Variants in ADIPOR2 observed in about 807,000 individuals in gnomAD.
ADIPOR2 encodes adiponectin receptor protein 2.
A neutral mutation model predicts 40.9 loss-of-function variants in ADIPOR2; 18 were observed. The ratio of observed to expected loss-of-function variants is 0.44; its 90% CI spans 0.30 to 0.65. ADIPOR2 has a LOEUF of 0.65. Ranked by LOEUF, ADIPOR2 falls within the 30% of genes least tolerant of loss-of-function variation. The probability of loss-of-function intolerance (pLI) is 0.09; values close to 1 mark genes in which losing one functional copy is unlikely to be tolerated. For synonymous variants in ADIPOR2, 165 were observed against 166.4 expected, an observed-to-expected ratio of 0.99 and a Z score of 0.06; for missense variants, 283 against 479.2, an observed-to-expected ratio of 0.59 and a Z score of 3.82.
At chr12:1,692,666 C>G (rs2094629536) in intron 1 of ADIPOR2, among the ~76,000 whole-genome samples, 1 of 151,096 alleles carries the variant, frequency 6.6e-6, no homozygotes, top group Non-Finnish European at 1.5e-5. Flanking sequence ...TATCCCTAGG[C>G]TCCTTGTATG....
chr12:1,720,207 G>A (rs561429778), intron 1 of ADIPOR2, among the ~76,000 whole-genome samples: 2 of 152,124 alleles, frequency 1.3e-5, no homozygotes, highest in Admixed American at 1.3e-4. Flanking sequence ...ACTTATTTTT[G>A]ATGTGTGAAT....
At chr12:1,727,959 T>C (rs148030893) in intron 1 of ADIPOR2, among the ~76,000 whole-genome samples, 4 of 152,256 alleles carry the variant, frequency 2.6e-5, no homozygotes, top group Non-Finnish European at 5.9e-5. Context: ...CATTGTCACT[T>C]CCCAGCTACC....
chr12:1,744,264 C>G (rs2094750051), intron 1 of ADIPOR2, among the ~76,000 whole-genome samples: 3 of 152,096 alleles, frequency 2.0e-5, no homozygotes, highest in Admixed American at 2.0e-4. Flanking sequence ...GCCACCACAC[C>G]TGGCTGATTT....
At chr12:1,738,713 G>T (rs371389724) in intron 1 of ADIPOR2, among the ~76,000 whole-genome samples, 3 of 152,234 alleles carry the variant, frequency 2.0e-5, no homozygotes. Context: ...TATCTTGTCA[G>T]CCTCACACAT....
At chr12:1,757,896 C>G (rs144643661) in intron 2 of ADIPOR2, 3 of 829,780 alleles carry the variant, frequency 3.6e-6, no homozygotes, top group Non-Finnish European at 6.4e-6. Context: ...GAGACACTCT[C>G]TCAACTTGTG....
chr12:1,714,015 T>C (rs1478030632), intron 1 of ADIPOR2, among the ~76,000 whole-genome samples: 2 of 152,106 alleles, frequency 1.3e-5, no homozygotes, highest in African/African-American at 4.8e-5. Context: ...CCCTCAGTCC[T>C]GTTGGATCAT....
Position 1,782,943 on chromosome 12 carries a change from TTTTTC to T in ADIPOR2, c.839-922_839-918del, listed in dbSNP as rs143023603. ...AGATTTAGATTAAATTTTTTCTTCT[TTTTTC>T]TTTTCTTTTCTTTTTCTTTCTTTCT... On this transcript the variant is annotated intron_variant, in intron 6 of 7. Coordinates refer to ENST00000357103, the MANE Select transcript of ADIPOR2 (RefSeq NM_024551.3). Among the ~76,000 whole-genome samples, 982 of 150,046 alleles carry T rather than the reference TTTTTC, an allele frequency of 6.5e-3. 13 individuals are homozygous for T. Among genetic ancestry groups the T allele is most frequent in the African/African-American group, 0.023 (930 of 39,756 alleles).
chr12:1,728,875 C>G (rs1304715232), intron 1 of ADIPOR2, among the ~76,000 whole-genome samples: 4 of 151,204 alleles, frequency 2.6e-5, no homozygotes, highest in Admixed American at 2.6e-4. Context: ...GTCTTTCCAT[C>G]TTCCATCTTG....
intron 1 of ADIPOR2, among the ~76,000 whole-genome samples, chr12:1,734,828 C>T (rs1427395320): frequency 1.3e-5 from 2 of 152,160 alleles, no homozygotes; most frequent in Admixed American, 6.5e-5. Flanking sequence ...TATGGCTAGC[C>T]AGTTTTCCCA....
At chr12:1,725,761 A>G (rs1414210667) in intron 1 of ADIPOR2, among the ~76,000 whole-genome samples, 1 of 152,246 alleles carries the variant, frequency 6.6e-6, no homozygotes, top group Non-Finnish European at 1.5e-5. Context: ...ACAAATACAC[A>G]AATTAATAAT....
intron 1 of ADIPOR2, among the ~76,000 whole-genome samples, chr12:1,728,359 C>G (rs767512338): frequency 6.6e-6 from 1 of 151,870 alleles, no homozygotes; most frequent in Non-Finnish European, 1.5e-5. Flanking sequence ...ATCCGCCCAC[C>G]TCAGCCTTTC....
At chr12:1,706,079 T>G (rs1280357959) in intron 1 of ADIPOR2, among the ~76,000 whole-genome samples, 1 of 152,200 alleles carries the variant, frequency 6.6e-6, no homozygotes, top group Non-Finnish European at 1.5e-5. Context: ...TACAGAGAGA[T>G]AACATCATGA....
At chr12:1,727,858 TAA>T (rs570513526) in intron 1 of ADIPOR2, among the ~76,000 whole-genome samples, 34 of 138,748 alleles carry the variant, frequency 2.5e-4, no homozygotes, top group Non-Finnish European at 3.0e-4. Context: ...GAACACTGTT[TAA>T]AAAAAAAAAA....
chr12:1,749,354 G>T (rs1317055330), intron 1 of ADIPOR2, among the ~76,000 whole-genome samples: 2 of 152,210 alleles, frequency 1.3e-5, no homozygotes, highest in African/African-American at 4.8e-5. Context: ...CAATCAAAAA[G>T]TCAGGGGAAC....
intron 1 of ADIPOR2, among the ~76,000 whole-genome samples, chr12:1,739,263 C>G (rs1053437650): frequency 6.6e-6 from 1 of 152,322 alleles, no homozygotes; most frequent in Non-Finnish European, 1.5e-5. Context: ...AAATAAGAAA[C>G]AATGGGTCAA....
At chr12:1,732,377 T>C (rs10848563) in intron 1 of ADIPOR2, among the ~76,000 whole-genome samples, 61,057 of 152,006 alleles carry the variant, frequency 0.4, 14,047 homozygotes, top group Non-Finnish European at 0.53. Flanking sequence ...TTTTGTCTTT[T>C]CCAAAATGTC....
At chr12:1,713,557 A>G (rs563599058) in intron 1 of ADIPOR2, among the ~76,000 whole-genome samples, 40 of 151,998 alleles carry the variant, frequency 2.6e-4, no homozygotes, top group African/African-American at 1.9e-4. Context: ...TGTCCTTCCA[A>G]TGCCCAGGCT....
intron 2 of ADIPOR2, among the ~76,000 whole-genome samples, chr12:1,763,301 A>G (rs1166578759): frequency 6.6e-6 from 1 of 152,234 alleles, no homozygotes; most frequent in Admixed American, 6.5e-5. Flanking sequence ...CATAATGCAT[A>G]TACGGAAGTT....
intron 1 of ADIPOR2, among the ~76,000 whole-genome samples, chr12:1,693,618 C>T (rs1565626977): frequency 6.6e-6 from 1 of 151,664 alleles, no homozygotes; most frequent in Admixed American, 6.6e-5. Flanking sequence ...ACTGCAACCT[C>T]TGCCTCCTGG....
Sources: gnomAD v4.1 joint callset for allele counts (sites outside exome capture counted in the v4.1 genomes callset) on GRCh38, gnomAD v4.1.1 for gene constraint, MANE v1.5 for transcripts, NCBI Gene and HGNC (gene_info 2026-07-23, HGNC 2026-07-21) for gene names.